The following NUGGC variants were observed in gnomAD, a reference collection of about 807,000 sequenced individuals.
NUGGC encodes nuclear GTPase, germinal center associated, also known as nuclear GTPase SLIP-GC.
A neutral mutation model predicts 92.6 loss-of-function variants in NUGGC; 58 were observed. The observed-to-expected ratio is 0.63, with a 90% CI of 0.51 to 0.78. The LOEUF (loss-of-function observed/expected upper bound fraction) is 0.78, where lower values mean the gene tolerates loss of function less well. Ranked by LOEUF, NUGGC falls within the 30% of genes least tolerant of loss-of-function variation. The pLI, the probability that NUGGC is intolerant of heterozygous loss-of-function variation, is 0.00. For missense variants in NUGGC, 925 were observed against 964.6 expected (o/e 0.96, Z 0.54); for synonymous variants, 376 against 366.4 (o/e 1.03, Z -0.30).
At chr8:28,032,882 G>A (rs1013377019) in intron 14 of NUGGC, among the ~76,000 whole-genome samples, 5 of 152,134 alleles carry the variant, frequency 3.3e-5, no homozygotes, top group Non-Finnish European at 5.9e-5. Flanking sequence ...CTCTGAGGCT[G>A]GGTGTGGTGG....
chr8:28,036,803 T>G (rs1809565236), intron 13 of NUGGC, among the ~76,000 whole-genome samples: 1 of 152,222 alleles, frequency 6.6e-6, no homozygotes, highest in Non-Finnish European at 1.5e-5. Context: ...GATCTTGCCA[T>G]GTCTCATCTT....
chr8:28,026,223 G>T (rs984234847), intron 18 of NUGGC, among the ~76,000 whole-genome samples: 40 of 152,194 alleles, frequency 2.6e-4, no homozygotes, highest in Non-Finnish European at 3.1e-4. Flanking sequence ...ACTTTAGAAT[G>T]TTACCCTGAA....
intron 10 of NUGGC, among the ~76,000 whole-genome samples, chr8:28,052,339 C>T (rs1306761763): frequency 6.6e-6 from 1 of 152,156 alleles, no homozygotes. Flanking sequence ...GTATCCCCCT[C>T]CAAAATTCAC....
At chr8:28,024,703 G>T (rs11787294) in intron 18 of NUGGC, among the ~76,000 whole-genome samples, 1 of 151,892 alleles carries the variant, frequency 6.6e-6, no homozygotes, top group Admixed American at 6.6e-5. Context: ...TGGGACTCAT[G>T]AGCAGAGGGG....
intron 12 of NUGGC, among the ~76,000 whole-genome samples, chr8:28,041,771 A>C (rs1007223089): frequency 6.6e-6 from 1 of 152,244 alleles, no homozygotes; most frequent in Non-Finnish European, 1.5e-5. Flanking sequence ...GCAAAGCTAC[A>C]GGACCACAAA....
In NUGGC at chr8:28,026,953, C is replaced by T. The variant is rs768278091; in HGVS notation, c.2245+9G>A. The T allele has an allele frequency of 5.0e-6, 8 of 1,591,634 alleles. No homozygotes were observed. In the African/African-American group the frequency reaches 5.4e-5, roughly 11 times the overall value. On this transcript the variant is annotated intron_variant, in intron 18 of 18. Transcript: ENST00000413272. ...AATCACCCTGTATACAAAGCTTTGG[C>T]GTATTTACCTGCAAGCTCCTTGTAG...
intron 14 of NUGGC, among the ~76,000 whole-genome samples, chr8:28,032,112 C>T (rs906574709): frequency 6.6e-6 from 1 of 152,160 alleles, no homozygotes; most frequent in South Asian, 2.1e-4. Context: ...AACCAGGCAG[C>T]GGTGCAGGCA....
In NUGGC at chr8:28,075,514, C is replaced by A. The variant is rs28375641; in HGVS notation, c.-46-1058G>T. Among the ~76,000 whole-genome samples the A allele has an allele frequency of 7.3e-3, 1,104 of 152,268 alleles. 12 individuals are homozygous for A. Among genetic ancestry groups the A allele is most frequent in the African/African-American group, 0.024 (986 of 41,552 alleles). ...CCCATAGAGAAGAATTTGAGGAACA[C>A]GAGTGGGGAACACCCAAGGTGCTTA... is the stretch of plus-strand genomic sequence containing the variant. On this transcript the variant is annotated intron_variant, in intron 1 of 18. Coordinates refer to ENST00000413272, the MANE Select transcript of NUGGC (RefSeq NM_001010906.2).
intron 6 of NUGGC, among the ~76,000 whole-genome samples, chr8:28,066,017 T>G (rs931513844): frequency 1.5e-5 from 2 of 135,894 alleles, no homozygotes; most frequent in Non-Finnish European, 3.2e-5. Context: ...TTCTAGGATC[T>G]CCAGTGGAAA....
chr8:28,071,620 G>C (rs1267733470), intron 2 of NUGGC, among the ~76,000 whole-genome samples: 3 of 152,122 alleles, frequency 2.0e-5, no homozygotes, highest in Non-Finnish European at 2.9e-5. Context: ...AGTTTCCCTT[G>C]GTTATGAAGT....
Position 28,033,664 on chromosome 8 carries a change from G to A in NUGGC, c.1645C>T (p.Leu549=), listed in dbSNP as rs774370077. 6.2e-7 allele frequency: 1 copy of A among 1,613,956 alleles called. No individual in the cohort carries two copies. The highest frequency in any genetic ancestry group is 1.1e-5 in the South Asian group (1 of 91,064). The change falls in exon 14 of 19, where the codon CTG becomes TTG. Residue 549 remains leucine (L), a synonymous_variant. Coordinates refer to ENST00000413272, the MANE Select transcript of NUGGC (RefSeq NM_001010906.2). ...SKGNQGFHQT[L]KAVCLKNGIY... ...CCATTTTTCAGGCAAACAGCTTTCAGGGTCTGATGAAAACCTTGGTTTCCT... is the reference window on the plus strand; with the variant it reads ...CCATTTTTCAGGCAAACAGCTTTCAAGGTCTGATGAAAACCTTGGTTTCCT...
chr8:28,045,482 C>G (rs753348254), intron 12 of NUGGC, 45 bp downstream of exon 12: 213 of 1,569,928 alleles, frequency 1.4e-4, no homozygotes, highest in Non-Finnish European at 1.7e-4. Context: ...AGGAAATGTC[C>G]TGCCCAGGAA....
chr8:28,054,904 T>C lies in NUGGC; in HGVS notation c.1206+1061A>G, dbSNP rs116996647. Reference sequence around the variant, plus strand: ...TCTTTAAAAATAATAATAATAAAATTGGCCAGGTGCAGTGGCTCATGCCTG... The same window carrying C: ...TCTTTAAAAATAATAATAATAAAATCGGCCAGGTGCAGTGGCTCATGCCTG... On this transcript the variant is annotated intron_variant, in intron 10 of 18. Coordinates refer to ENST00000413272, the MANE Select transcript of NUGGC (RefSeq NM_001010906.2). Among the ~76,000 whole-genome samples, 19 of 151,612 alleles carry C rather than the reference T, an allele frequency of 1.3e-4. No individual in the cohort carries two copies. In the East Asian group the frequency reaches 3.7e-3, roughly 30 times the overall value.
chr8:28,066,304 A>AT (rs1810440412), intron 6 of NUGGC, among the ~76,000 whole-genome samples: 1 of 152,136 alleles, frequency 6.6e-6, no homozygotes, highest in Admixed American at 6.5e-5. Context: ...TATTTGTTTG[A>AT]TTTTCCAGGT....
chr8:28,067,360 A>G (rs1248954161), intron 6 of NUGGC, among the ~76,000 whole-genome samples, 154 bp downstream of exon 6: 1 of 152,244 alleles, frequency 6.6e-6, no homozygotes, highest in African/African-American at 2.4e-5. Context: ...ATAAATAATG[A>G]GGATAACTTG....
At position 28,060,543 on chromosome 8, in the gene NUGGC, C is replaced by G. The variant is rs1810276326; in HGVS notation, c.980G>C (p.Gly327Ala). The G allele has an allele frequency of 2.5e-6, 4 of 1,613,654 alleles. No individual in the cohort carries two copies. The African/African-American group carries it at 5.3e-5, about 22-fold the overall frequency. Residue 327 changes from glycine to alanine, a missense_variant, in exon 8 of 19, where the codon GGG becomes GCG. Coordinates refer to ENST00000413272, the MANE Select transcript of NUGGC (RefSeq NM_001010906.2). ...ATTCAGAAGGTCTTCGTGGGCTTGC[C>G]CCCCAGAAACTCGCTCTATGTCGCT... Reference protein sequence around the residue: ...VISDIERVSGGQAHEDLLNES... With the variant: ...VISDIERVSGAQAHEDLLNES...
intron 10 of NUGGC, among the ~76,000 whole-genome samples, chr8:28,051,783 CTGG>C (rs1810010466): frequency 6.6e-6 from 1 of 152,054 alleles, no homozygotes; most frequent in Admixed American, 6.6e-5. Flanking sequence ...TTAGCTGGGC[CTGG>C]TGGCCCATGC....
chr8:28,030,209 G>A (rs1809379664), intron 16 of NUGGC, 101 bp downstream of exon 16: 2 of 699,110 alleles, frequency 2.9e-6, no homozygotes, highest in Non-Finnish European at 5.2e-6. Flanking sequence ...GTCTTAGGGT[G>A]CAAGAGAACA....
intron 16 of NUGGC, among the ~76,000 whole-genome samples, chr8:28,029,867 T>C (rs1809369726): frequency 6.6e-6 from 1 of 152,182 alleles, no homozygotes; most frequent in Admixed American, 6.6e-5. Context: ...TTTATATGTT[T>C]AGATAATAAC....
Sources: allele counts gnomAD v4.1 joint callset (sites outside exome capture counted in the v4.1 genomes callset), GRCh38; gene constraint gnomAD v4.1.1; transcripts MANE v1.5; gene names NCBI Gene and HGNC (gene_info 2026-07-23, HGNC 2026-07-21).